Variants in NUP88 observed in about 807,000 individuals in gnomAD.
NUP88 encodes the protein nuclear pore complex protein Nup88.
Under a neutral mutation model 93.9 loss-of-function variants are expected in NUP88, and 57 were observed. The observed-to-expected ratio is 0.61, with a 90% CI of 0.49 to 0.76. NUP88 has a LOEUF of 0.76. Among genes scored for constraint, NUP88 ranks in the 30% least tolerant of loss-of-function variants. The pLI, the probability that NUP88 is intolerant of heterozygous loss-of-function variation, is 0.00. For missense variants in NUP88, 911 were observed against 901.0 expected, an observed-to-expected ratio of 1.01 and a Z score of -0.14; for synonymous variants, 346 against 336.8, an observed-to-expected ratio of 1.03 and a Z score of -0.30.
chr17:5,390,185 C>G (rs980696336), intron 10 of NUP88, among the ~76,000 whole-genome samples: 8 of 141,780 alleles, frequency 5.6e-5, no homozygotes, highest in South Asian at 2.3e-4. Flanking sequence ...AAAAAAATAT[C>G]CAGACAATTA....
chr17:5,387,283 T>A, intron 14 of NUP88, 103 bp downstream of exon 14: 1 of 1,239,986 alleles, frequency 8.1e-7, no homozygotes, highest in East Asian at 2.3e-5. Context: ...GGCAGGGGGA[T>A]CAGTTCAGTT....
intron 10 of NUP88, among the ~76,000 whole-genome samples, chr17:5,389,707 C>T (rs558249060): frequency 3.6e-5 from 5 of 138,322 alleles, no homozygotes; most frequent in East Asian, 2.3e-4. Context: ...ACCCAGGAGG[C>T]GGAGGTTGCA....
At position 5,387,546 on chromosome 17, in the gene NUP88, G is replaced by A. The variant is rs1305745550; in HGVS notation, c.1835+59C>T. On this transcript the variant is annotated intron_variant, in intron 13 of 16. Coordinates refer to ENST00000573584, the MANE Select transcript of NUP88 (RefSeq NM_002532.6). ...ACCTAATGTGGCTCAGCATCTTAGGGTGAGAATATGGTTCCAGTCTTACTG... is the reference window on the plus strand; with the variant it reads ...ACCTAATGTGGCTCAGCATCTTAGGATGAGAATATGGTTCCAGTCTTACTG... 3.1e-6 allele frequency: 5 copies of A among 1,591,676 alleles called. No homozygotes were observed. In the African/African-American group the frequency reaches 5.4e-5, roughly 17 times the overall value.
At chr17:5,412,840 A>C (rs966453009) in intron 3 of NUP88, among the ~76,000 whole-genome samples, 3 of 152,102 alleles carry the variant, frequency 2.0e-5, no homozygotes, top group African/African-American at 7.2e-5. Context: ...ACACTGAAGG[A>C]GTTAGATTTG....
chr17:5,397,991 C>CGA, intron 8 of NUP88, among the ~76,000 whole-genome samples: 1 of 149,418 alleles, frequency 6.7e-6, no homozygotes, highest in South Asian at 2.1e-4. Flanking sequence ...ACAGCAGTCT[C>CGA]TACCTCCCAG....
At position 5,387,105 on chromosome 17, in the gene NUP88, T is replaced by C. The variant is rs1413586578; in HGVS notation, c.1922A>G (p.Lys641Arg). 1 of 1,613,114 alleles carries C rather than the reference T, an allele frequency of 6.2e-7. No individual in the cohort carries two copies. The highest frequency in any genetic ancestry group is 1.1e-5 in the South Asian group (1 of 90,762). Residue 641 changes from lysine to arginine, a missense_variant, in exon 15 of 17, where the codon AAA becomes AGA. Transcript: ENST00000573584. ...EKQEDIMNRM[K>R]KLLHSFHSEL... ...AGAGTGAAAACTGTGAAGTAGTTTT[T>C]TCATCCTTTAGAAAAGGCAAGCAAA...
In NUP88 at chr17:5,419,623, C is replaced by T. The variant is rs370824808; in HGVS notation, c.28G>A (p.Asp10Asn). The change falls in exon 1 of 17, where the codon GAC becomes AAC. Residue 10 changes from aspartate (D) to asparagine (N), a missense_variant. By Grantham distance (23) the Asp-to-Asn change is conservative. Transcript: ENST00000573584. MAAAEGPVG[D>N]GELWQTWLPN... ...AGCCAGGTCTGCCACAGCTCGCCGT[C>T]GCCCACCGGTCCCTCGGCGGCCGCC... 2 of 1,595,452 alleles carry T rather than the reference C, an allele frequency of 1.3e-6. No individual in the cohort carries two copies. The highest frequency in any genetic ancestry group is 8.6e-7 in the Non-Finnish European group (1 of 1,169,584).
intron 1 of NUP88, chr17:5,417,976 C>T (rs1334699418): frequency 2.0e-5 from 3 of 151,930 alleles, no homozygotes; most frequent in South Asian, 2.1e-4. Context: ...CCCGTCTCTA[C>T]TAAAAACACA....
At chr17:5,388,262 A>C (rs1371808828) in intron 11 of NUP88, 2 of 171,584 alleles carry the variant, frequency 1.2e-5, no homozygotes, top group Non-Finnish European at 2.5e-5. Context: ...GGGCCTCCCA[A>C]AGTGCTGGGA....
At chr17:5,392,269 T>C (rs1448994188) in intron 9 of NUP88, among the ~76,000 whole-genome samples, 5 of 152,178 alleles carry the variant, frequency 3.3e-5, no homozygotes, top group Non-Finnish European at 5.9e-5. Context: ...CTTCTGAAAA[T>C]TGTACCATCA....
intron 8 of NUP88, among the ~76,000 whole-genome samples, chr17:5,399,094 T>C (rs920660300): frequency 2.7e-5 from 4 of 147,252 alleles, no homozygotes; most frequent in Admixed American, 2.0e-4. Context: ...GGTTTCACCA[T>C]GTTAGCCAGG....
chr17:5,413,941 TG>T, intron 3 of NUP88, 67 bp downstream of exon 3: 23 of 1,546,720 alleles, frequency 1.5e-5, no homozygotes, highest in Non-Finnish European at 2.0e-5. Flanking sequence ...TATGTTGAGC[TG>T]TTAATTGGCA....
At chr17:5,408,170 G>A (rs1045995221) in intron 5 of NUP88, among the ~76,000 whole-genome samples, 2 of 152,156 alleles carry the variant, frequency 1.3e-5, no homozygotes, top group South Asian at 2.1e-4. Flanking sequence ...ATTTTCAGAC[G>A]CTACTTTATG....
At chr17:5,404,529 G>C (rs139484400) in intron 6 of NUP88, among the ~76,000 whole-genome samples, 6 of 151,932 alleles carry the variant, frequency 3.9e-5, no homozygotes, top group Non-Finnish European at 8.8e-5. Flanking sequence ...CAAGAGAATC[G>C]CTTGAACTCA....
Position 5,405,254 on chromosome 17 carries a change from A to T in NUP88, c.858-11T>A. ...CCAATATTTCCAGGGCTAAAGAAGG[A>T]GTAAAAACATATTTGGGAAATGTTG... On this transcript the variant is annotated splice_polypyrimidine_tract_variant and intron_variant, in intron 5 of 16. Transcript: ENST00000573584. The T allele has an allele frequency of 1.2e-5, 19 of 1,607,204 alleles. No individual in the cohort carries two copies. The highest frequency in any genetic ancestry group is 1.5e-5 in the Non-Finnish European group (18 of 1,176,198).
At chr17:5,415,374 G>T (rs1484289871) in intron 2 of NUP88, among the ~76,000 whole-genome samples, 2 of 152,074 alleles carry the variant, frequency 1.3e-5, no homozygotes, top group Non-Finnish European at 2.9e-5. Flanking sequence ...GTTTGACTTA[G>T]GATTGATACA....
chr17:5,414,748 G>A (rs1381147925), intron 2 of NUP88, among the ~76,000 whole-genome samples: 3 of 151,598 alleles, frequency 2.0e-5, no homozygotes, highest in Non-Finnish European at 2.9e-5. Flanking sequence ...GTAAAACCCC[G>A]TCTCCACTAA....
chr17:5,389,879 T>A (rs1252355601), intron 10 of NUP88, among the ~76,000 whole-genome samples: 1 of 150,478 alleles, frequency 6.6e-6, no homozygotes, highest in Admixed American at 6.7e-5. Flanking sequence ...AGTATCCAGA[T>A]AATTGGCCTG....
chr17:5,409,783 TTAGAC>T (rs1913721214), intron 4 of NUP88, among the ~76,000 whole-genome samples: 1 of 152,220 alleles, frequency 6.6e-6, no homozygotes, highest in African/African-American at 2.4e-5. Context: ...AGGTGCTACT[TTAGAC>T]TACTTGGTAT....
Sources: gnomAD v4.1 joint callset for allele counts (sites outside exome capture counted in the v4.1 genomes callset) on GRCh38, gnomAD v4.1.1 for gene constraint, MANE v1.5 for transcripts, NCBI Gene and HGNC (gene_info 2026-07-23, HGNC 2026-07-21) for gene names.